Variants in PRH1 observed in about 807,000 individuals in gnomAD.
PRH1 encodes salivary acidic proline-rich phosphoprotein 1/2.
A neutral mutation model predicts 7.9 loss-of-function variants in PRH1; 7 were observed. That is an observed-to-expected ratio of 0.89 (90% CI 0.50 to 1.67). The LOEUF is 1.67. Among genes scored for constraint, PRH1 ranks in the 40% most tolerant of loss-of-function variants. The pLI, the probability that PRH1 is intolerant of heterozygous loss-of-function variation, is 0.00. For synonymous variants in PRH1, 45 were observed against 80.8 expected (o/e 0.56, Z 2.38); for missense variants, 109 against 223.6 (o/e 0.49, Z 3.27).
intron 1 of PRH1, among the ~76,000 whole-genome samples, chr12:11,008,706 G>T (rs1940939510): frequency 6.6e-6 from 1 of 151,984 alleles, no homozygotes; most frequent in South Asian, 2.1e-4. Context: ...ATGTACATGT[G>T]ATTTATTTCT....
At chr12:10,900,931 A>G (rs758923273) in intron 2 of PRH1, among the ~76,000 whole-genome samples, 3 of 152,030 alleles carry the variant, frequency 2.0e-5, no homozygotes, top group Non-Finnish European at 4.4e-5. Flanking sequence ...TCATGGTGCA[A>G]TGGGGCCCTC....
intron 1 of PRH1, among the ~76,000 whole-genome samples, chr12:11,014,791 A>G (rs1345965387): frequency 1.3e-5 from 2 of 152,190 alleles, no homozygotes; most frequent in African/African-American, 4.8e-5. Context: ...CCCAGAGGAA[A>G]GGACACACAT....
rs550176400 is a variant in PRH1, at chr12:11,114,586, T to C, written n.123+56836A>G. On this transcript the variant is annotated intron_variant and non_coding_transcript_variant, in intron 1 of 4. Coordinates refer to the PRH1 transcript ENST00000541977. ...GGTTGATGGGTGCAGCAAACCACCATGGCACATGTACACCGATGTAACAAA... is the reference window on the plus strand; with the variant it reads ...GGTTGATGGGTGCAGCAAACCACCACGGCACATGTACACCGATGTAACAAA... Among the ~76,000 whole-genome samples, 23 of 152,204 alleles carry C rather than the reference T, an allele frequency of 1.5e-4. No individual in the cohort carries two copies. In the East Asian group the frequency reaches 3.7e-3, roughly 24 times the overall value.
At chr12:11,050,751 C>T (rs1943109077), upstream of PRH1, among the ~76,000 whole-genome samples, 1 of 152,298 alleles carries the variant, frequency 6.6e-6, no homozygotes, top group South Asian at 2.1e-4. Context: ...GGAACTTGGA[C>T]TCTGAATTCA....
At position 10,986,459 on chromosome 12, in the gene PRH1, C is replaced by T. The variant is rs769375845; in HGVS notation, c.-125-12738G>A. The T allele has an allele frequency of 3.1e-6, 5 of 1,614,020 alleles. No homozygotes were observed. The South Asian group carries it at 5.5e-5, about 18-fold the overall frequency. ...GACAAACCAAAAATATCAAAGTCCCCAACAGTATCACCAGAATGACACTCC... is the reference window on the plus strand; with the variant it reads ...GACAAACCAAAAATATCAAAGTCCCTAACAGTATCACCAGAATGACACTCC... On this transcript the variant is annotated intron_variant, in intron 1 of 3. Transcript: ENST00000539853.
intron 1 of PRH1, among the ~76,000 whole-genome samples, chr12:11,147,037 C>A (rs748693260): frequency 1.3e-5 from 2 of 152,092 alleles, no homozygotes; most frequent in African/African-American, 4.8e-5. Flanking sequence ...TGCCTATCTC[C>A]GAACTGTTAA....
chr12:10,984,355 A>G (rs1939502186), intron 1 of PRH1, among the ~76,000 whole-genome samples: 1 of 152,154 alleles, frequency 6.6e-6, no homozygotes, highest in South Asian at 2.1e-4. Context: ...TTCTGCTCTG[A>G]GAAATACTTC....
chr12:10,892,805 T>G (rs939342793), intron 2 of PRH1, among the ~76,000 whole-genome samples: 34 of 152,312 alleles, frequency 2.2e-4, no homozygotes, highest in African/African-American at 7.5e-4. Context: ...TTGTGAATTT[T>G]TCACCCACAA....
At chr12:10,919,599 G>T (rs746065313) in intron 2 of PRH1, among the ~76,000 whole-genome samples, 3 of 151,792 alleles carry the variant, frequency 2.0e-5, no homozygotes, top group Non-Finnish European at 2.9e-5. Context: ...TTTTCTGTTT[G>T]TTGTGAGTTA....
At chr12:11,151,285 T>A (rs1486737025) in intron 1 of PRH1, among the ~76,000 whole-genome samples, 1 of 152,032 alleles carries the variant, frequency 6.6e-6, no homozygotes, top group Non-Finnish European at 1.5e-5. Flanking sequence ...TTTTTTTTTT[T>A]TCAATGTGCC....
intron 2 of PRH1, among the ~76,000 whole-genome samples, chr12:10,937,241 T>TGC (rs1950303588): frequency 6.6e-6 from 1 of 151,884 alleles, no homozygotes; most frequent in Non-Finnish European, 1.5e-5. Flanking sequence ...TCTGTGTGTG[T>TGC]GTGTGCGTGC....
At chr12:10,998,978 G>C (rs1940442997) in intron 1 of PRH1, among the ~76,000 whole-genome samples, 1 of 152,048 alleles carries the variant, frequency 6.6e-6, no homozygotes, top group Non-Finnish European at 1.5e-5. Context: ...ATAAGAATGA[G>C]TAACTCATGG....
chr12:10,986,716 TGAGAATTTG>T (rs1365233927), intron 1 of PRH1: 16 of 1,612,870 alleles, frequency 9.9e-6, no homozygotes, highest in African/African-American at 1.3e-5. Flanking sequence ...GCCAGAGCAG[TGAGAATTTG>T]GTCAGCTGAG....
intron 1 of PRH1, among the ~76,000 whole-genome samples, chr12:11,043,872 G>C (rs1304178432): frequency 6.6e-6 from 1 of 152,056 alleles, no homozygotes; most frequent in East Asian, 1.9e-4. Context: ...ACTACCCAAA[G>C]AATCTACAGA....
At chr12:11,142,240 A>G (rs1465417723) in intron 1 of PRH1, among the ~76,000 whole-genome samples, 8 of 152,230 alleles carry the variant, frequency 5.3e-5, no homozygotes, top group Non-Finnish European at 7.3e-5. Flanking sequence ...CTGAACTGAA[A>G]TTCAGCACAA....
intron 1 of PRH1, among the ~76,000 whole-genome samples, chr12:10,980,636 A>G (rs1482352703): frequency 1.3e-5 from 2 of 152,170 alleles, no homozygotes; most frequent in African/African-American, 4.8e-5. Context: ...TGGCTACATT[A>G]TCAGTAAGGA....
chr12:11,059,310 C>T (rs1226602338), intron 1 of PRH1, among the ~76,000 whole-genome samples: 1 of 149,322 alleles, frequency 6.7e-6, no homozygotes, highest in Non-Finnish European at 1.5e-5. Context: ...CAGAGCCATA[C>T]CAGACATCAC....
At chr12:11,123,577 T>C (rs1394039478) in intron 1 of PRH1, among the ~76,000 whole-genome samples, 1 of 152,224 alleles carries the variant, frequency 6.6e-6, no homozygotes, top group Non-Finnish European at 1.5e-5. Flanking sequence ...TATTGCTTCT[T>C]GCATGTTCAA....
chr12:10,943,969 G>C (rs1368953135), intron 2 of PRH1, among the ~76,000 whole-genome samples: 2 of 152,192 alleles, frequency 1.3e-5, no homozygotes, highest in Non-Finnish European at 2.9e-5. Context: ...ATTGGTCACT[G>C]TAGCTCTGTA....
Sources: allele counts gnomAD v4.1 joint callset (sites outside exome capture counted in the v4.1 genomes callset), GRCh38; gene constraint gnomAD v4.1.1; transcripts MANE v1.5; gene names NCBI Gene and HGNC (gene_info 2026-07-23, HGNC 2026-07-21).